Variants in L3MBTL4 observed in about 807,000 individuals in gnomAD.
L3MBTL4 encodes the protein L3MBTL histone methyl-lysine binding protein 4, also known as lethal(3)malignant brain tumor-like protein 4.
In L3MBTL4, 70 loss-of-function variants were observed where a neutral mutation model predicts 84.5. The ratio of observed to expected loss-of-function variants is 0.83; its 90% CI spans 0.68 to 1.01. The LOEUF is 1.01. L3MBTL4 is among the 50% of genes least tolerant of loss of function. The pLI is 0.00. For missense variants in L3MBTL4, 715 were observed against 754.8 expected, an observed-to-expected ratio of 0.95 and a Z score of 0.62; for synonymous variants, 274 against 259.8, an observed-to-expected ratio of 1.05 and a Z score of -0.52.
At chr18:6,099,862 A>T (rs997638956) in intron 14 of L3MBTL4, among the ~76,000 whole-genome samples, 1 of 152,052 alleles carries the variant, frequency 6.6e-6, no homozygotes, top group South Asian at 2.1e-4. Context: ...TATCTACCTA[A>T]CTATCTATCT....
intron 12 of L3MBTL4, among the ~76,000 whole-genome samples, chr18:6,195,107 A>G (rs2045316021): frequency 6.6e-6 from 1 of 152,210 alleles, no homozygotes; most frequent in African/African-American, 2.4e-5. Flanking sequence ...TAGAGTAGGT[A>G]CTCAGGAGGT....
chr18:6,042,475 C>T (rs950468841), intron 16 of L3MBTL4, among the ~76,000 whole-genome samples: 4 of 152,142 alleles, frequency 2.6e-5, no homozygotes, highest in African/African-American at 9.7e-5. Flanking sequence ...CCACCTACCC[C>T]ACCCTCAATC....
At chr18:6,261,936 C>T (rs2048420095) in intron 5 of L3MBTL4, among the ~76,000 whole-genome samples, 1 of 152,188 alleles carries the variant, frequency 6.6e-6, no homozygotes, top group African/African-American at 2.4e-5. Context: ...TCACCCTTAA[C>T]ACCCAAACAT....
At chr18:6,352,365 A>T (rs1044653744) in intron 1 of L3MBTL4, among the ~76,000 whole-genome samples, 1 of 152,222 alleles carries the variant, frequency 6.6e-6, no homozygotes, top group African/African-American at 2.4e-5. Flanking sequence ...AGTCCATTCC[A>T]CAGAAGGCTC....
At chr18:6,036,057 G>C (rs1297898137) in intron 16 of L3MBTL4, among the ~76,000 whole-genome samples, 1 of 152,118 alleles carries the variant, frequency 6.6e-6, no homozygotes, top group Non-Finnish European at 1.5e-5. Context: ...GGTTTCTGAC[G>C]AGAAATTTGA....
chr18:6,311,960 G>A (rs759740019), intron 2 of L3MBTL4, 38 bp downstream of exon 2: 10 of 243,052 alleles, frequency 4.1e-5, no homozygotes, highest in Non-Finnish European at 8.1e-5. Flanking sequence ...AACCAATTAG[G>A]ATTCACTGCA....
intron 1 of L3MBTL4, among the ~76,000 whole-genome samples, chr18:6,349,495 G>A (rs531474122): frequency 3.9e-5 from 6 of 152,290 alleles, no homozygotes; most frequent in Admixed American, 6.5e-5. Flanking sequence ...TCGGGAGGCC[G>A]AGGTGGGAGG....
intron 12 of L3MBTL4, among the ~76,000 whole-genome samples, chr18:6,196,311 C>T (rs1398469844): frequency 1.3e-5 from 2 of 152,076 alleles, no homozygotes; most frequent in African/African-American, 4.8e-5. Flanking sequence ...GCGCCCGCCA[C>T]CACGCCCGTC....
At chr18:6,238,450 G>A (rs760939879) in intron 9 of L3MBTL4, among the ~76,000 whole-genome samples, 32 of 152,062 alleles carry the variant, frequency 2.1e-4, no homozygotes, top group Non-Finnish European at 4.0e-4. Flanking sequence ...GGAGAATGGC[G>A]TGAACCCGGG....
intron 16 of L3MBTL4, among the ~76,000 whole-genome samples, chr18:5,970,171 C>A (rs1281124883): frequency 6.6e-6 from 1 of 152,210 alleles, no homozygotes; most frequent in Non-Finnish European, 1.5e-5. Context: ...GGGTGACATC[C>A]TGTGGCAGCC....
At chr18:6,125,519 C>T (rs1041471607) in intron 14 of L3MBTL4, among the ~76,000 whole-genome samples, 5 of 152,160 alleles carry the variant, frequency 3.3e-5, no homozygotes, top group African/African-American at 1.2e-4. Context: ...GCGTCAACCT[C>T]CTGGGCTCAG....
At chr18:6,094,599 T>G (rs1170426030) in intron 14 of L3MBTL4, among the ~76,000 whole-genome samples, 1 of 152,146 alleles carries the variant, frequency 6.6e-6, no homozygotes, top group Non-Finnish European at 1.5e-5. Flanking sequence ...CACTTCCTAC[T>G]CACTATGAAT....
intron 4 of L3MBTL4, among the ~76,000 whole-genome samples, chr18:6,270,308 C>G (rs1226110279): frequency 6.6e-6 from 1 of 152,188 alleles, no homozygotes; most frequent in Non-Finnish European, 1.5e-5. Flanking sequence ...AGTCAGGCTG[C>G]TTTTCATTTC....
chr18:6,213,417 T>G (rs2046197557), intron 11 of L3MBTL4, among the ~76,000 whole-genome samples, 158 bp from the exon 12 acceptor site: 1 of 152,238 alleles, frequency 6.6e-6, no homozygotes, highest in African/African-American at 2.4e-5. Context: ...GTTTTTGTTT[T>G]TGTTTGTTTT....
At chr18:5,980,926 C>T (rs1433524929) in intron 16 of L3MBTL4, among the ~76,000 whole-genome samples, 3 of 152,208 alleles carry the variant, frequency 2.0e-5, no homozygotes, top group African/African-American at 4.8e-5. Context: ...TTCCCTCTCG[C>T]ATACACCAAG....
At chr18:6,101,353 A>G (rs2058819109) in intron 14 of L3MBTL4, among the ~76,000 whole-genome samples, 1 of 152,088 alleles carries the variant, frequency 6.6e-6, no homozygotes, top group African/African-American at 2.4e-5. Context: ...TTGATGTATA[A>G]TGTCCAGGTT....
chr18:6,087,154 G>A lies in L3MBTL4; in HGVS notation c.1373+6201C>T, dbSNP rs949179981. On this transcript the variant is annotated intron_variant, in intron 15 of 18. Coordinates refer to ENST00000317931, the MANE Select transcript of L3MBTL4 (RefSeq NM_001330559.2). ...TCTAAATATTTATTCAACAGACAAA[G>A]GTTGAATGAATGAATATGTCTAATT... is the stretch of plus-strand genomic sequence containing the variant. 1.8e-4 allele frequency among the ~76,000 whole-genome samples: 27 copies of A among 152,322 alleles called. No homozygotes were observed. In the East Asian group the frequency reaches 2.9e-3, roughly 16 times the overall value.
chr18:6,120,202 C>A (rs1288747436), intron 14 of L3MBTL4, among the ~76,000 whole-genome samples: 1 of 152,174 alleles, frequency 6.6e-6, no homozygotes, highest in African/African-American at 2.4e-5. Flanking sequence ...ACTCGGTCCT[C>A]CCAGGTCAGT....
chr18:6,132,542 T>C (rs965223992), intron 14 of L3MBTL4, among the ~76,000 whole-genome samples: 7 of 152,218 alleles, frequency 4.6e-5, no homozygotes, highest in African/African-American at 1.4e-4. Flanking sequence ...CCCATTCTTC[T>C]CACTATCACA....
Sources: gnomAD v4.1 joint callset for allele counts (sites outside exome capture counted in the v4.1 genomes callset) on GRCh38, gnomAD v4.1.1 for gene constraint, MANE v1.5 for transcripts, NCBI Gene and HGNC (gene_info 2026-07-23, HGNC 2026-07-21) for gene names.